PALLD: variants seen among roughly 807,000 people sequenced by gnomAD.
The protein encoded by PALLD is palladin.
PALLD carries 61 observed loss-of-function variants against 123.5 expected under a neutral mutation model. The observed-to-expected ratio is 0.49, with a 90% confidence interval of 0.40 to 0.61. The LOEUF (loss-of-function observed/expected upper bound fraction) is 0.61. Ranked by LOEUF, PALLD falls within the 20% of genes least tolerant of loss-of-function variation. The probability of loss-of-function intolerance (pLI) is 0.00; values close to 1 mark genes in which losing one functional copy is unlikely to be tolerated. For missense variants in PALLD, 1,273 were observed against 1,377.0 expected (o/e 0.92, Z 1.20); for synonymous variants, 465 against 496.4 (o/e 0.94, Z 0.84).
intron 10 of PALLD, among the ~76,000 whole-genome samples, chr4:168,721,647 G>A (rs1442778161): frequency 1.3e-5 from 2 of 152,086 alleles, no homozygotes; most frequent in African/African-American, 2.4e-5. Flanking sequence ...AAAATAAATA[G>A]GTACTTTTGA....
At chr4:168,804,887 G>A (rs1303752967) in intron 10 of PALLD, among the ~76,000 whole-genome samples, 1 of 152,080 alleles carries the variant, frequency 6.6e-6, no homozygotes, top group African/African-American at 2.4e-5. Context: ...GAGGCCGGGT[G>A]TGGTGGCTCA....
intron 2 of PALLD, among the ~76,000 whole-genome samples, chr4:168,588,527 G>C (rs1047198322): frequency 3.3e-5 from 5 of 151,884 alleles, no homozygotes; most frequent in African/African-American, 1.2e-4. Flanking sequence ...TCAGCCTCCT[G>C]AGTACCTGGG....
intron 10 of PALLD, among the ~76,000 whole-genome samples, chr4:168,790,372 G>A (rs901773697): frequency 1.3e-5 from 2 of 151,372 alleles, no homozygotes; most frequent in African/African-American, 4.9e-5. Context: ...ATATTGTCCA[G>A]GCTGGTTTCA....
intron 10 of PALLD, among the ~76,000 whole-genome samples, chr4:168,765,706 C>A (rs1040919067): frequency 1.3e-5 from 2 of 152,176 alleles, no homozygotes; most frequent in Non-Finnish European, 1.5e-5. Flanking sequence ...ATGAATTTGT[C>A]ATCTGCTGCT....
chr4:168,731,329 G>A (rs2150308619), intron 10 of PALLD, among the ~76,000 whole-genome samples: 1 of 152,286 alleles, frequency 6.6e-6, no homozygotes, highest in East Asian at 1.9e-4. Flanking sequence ...TTCACAGCTT[G>A]TTTTTGAAGA....
At chr4:168,592,673 G>A (rs1771554189) in intron 2 of PALLD, among the ~76,000 whole-genome samples, 1 of 151,726 alleles carries the variant, frequency 6.6e-6, no homozygotes, top group African/African-American at 2.4e-5. Context: ...CTCTTCTTCT[G>A]TTATGGTTAT....
intron 2 of PALLD, among the ~76,000 whole-genome samples, chr4:168,650,624 T>C (rs1777945160): frequency 6.6e-6 from 1 of 152,218 alleles, no homozygotes; most frequent in Non-Finnish European, 1.5e-5. Context: ...TGTATATGTA[T>C]CCTAAATTTT....
intron 10 of PALLD, among the ~76,000 whole-genome samples, chr4:168,819,811 T>C (rs1742465344): frequency 6.6e-6 from 1 of 152,244 alleles, no homozygotes; most frequent in South Asian, 2.1e-4. Flanking sequence ...TGATGGCTTA[T>C]AATAACTATT....
intron 19 of PALLD, among the ~76,000 whole-genome samples, 177 bp from the exon 20 acceptor site, chr4:168,924,768 G>A (rs553514717): frequency 1.2e-4 from 18 of 152,300 alleles, no homozygotes; most frequent in African/African-American, 3.4e-4. Flanking sequence ...AACTCTTGAC[G>A]TCTGTTCTTT....
intron 17 of PALLD, among the ~76,000 whole-genome samples, chr4:168,918,587 A>C (rs1760755466): frequency 6.6e-6 from 1 of 152,178 alleles, no homozygotes; most frequent in African/African-American, 2.4e-5. Flanking sequence ...TCAGACAGGA[A>C]GAATAAGTTC....
rs201234473 is a variant in PALLD at position 168,816,411 on chromosome 4, A to AT, written c.1965-74510dup. ...TGTGTATATATATATATATATATAT[A>AT]TATTTTTTTTAAGTATTAGATTGGA... On this transcript the variant is annotated intron_variant, in intron 10 of 21. Coordinates refer to ENST00000505667, the MANE Select transcript of PALLD (RefSeq NM_001166108.2). 3.8e-3 allele frequency among the ~76,000 whole-genome samples: 431 copies of AT among 113,682 alleles called. 2 individuals carry two copies. Among genetic ancestry groups the AT allele is most frequent in the African/African-American group, 0.016 (359 of 22,060 alleles). The allele number at this position is 113,682 out of a possible 152,430, so 74.6% of individuals were successfully genotyped here. A position where few individuals can be genotyped will look rare whatever the true frequency, so the allele number is the denominator to read the frequency against.
chr4:168,707,489 G>T (rs1379821881), intron 8 of PALLD, among the ~76,000 whole-genome samples: 1 of 152,148 alleles, frequency 6.6e-6, no homozygotes, highest in African/African-American at 2.4e-5. Flanking sequence ...TCCTCCTACA[G>T]GTTAGCACAG....
intron 15 of PALLD, 115 bp downstream of exon 15, chr4:168,904,021 TA>T: frequency 9.3e-7 from 1 of 1,076,558 alleles, no homozygotes; most frequent in East Asian, 2.4e-5. Flanking sequence ...TTTATGAAAC[TA>T]TTTTTCCAAA....
In PALLD at chr4:168,711,937, C is replaced by T. The variant is rs757399307; in HGVS notation, c.1964+14C>T. Reference sequence around the variant, plus strand: ...CAAACCAAAACTGTGAGTATTTCTGCATGGTTTTATAATAATTTCCATACC... The same window carrying T: ...CAAACCAAAACTGTGAGTATTTCTGTATGGTTTTATAATAATTTCCATACC... On this transcript the variant is annotated intron_variant, in intron 10 of 21. Transcript: ENST00000505667. 1 of 1,600,090 alleles carries T rather than the reference C, an allele frequency of 6.2e-7. No homozygotes were observed. Among genetic ancestry groups the T allele is most frequent in the South Asian group, 1.1e-5 (1 of 90,740 alleles).
chr4:168,792,039 T>C (rs1266821236), intron 10 of PALLD, among the ~76,000 whole-genome samples: 2 of 152,178 alleles, frequency 1.3e-5, no homozygotes, highest in African/African-American at 4.8e-5. Context: ...TTCAAAAATT[T>C]GATGAAAATG....
chr4:168,887,392 C>G (rs1753521649), intron 10 of PALLD, among the ~76,000 whole-genome samples: 1 of 152,168 alleles, frequency 6.6e-6, no homozygotes, highest in Non-Finnish European at 1.5e-5. Context: ...TTTTAAAAAC[C>G]AGTTCTCCGC....
chr4:168,785,846 G>GATAGATATATATATATATATATATATAT (rs1554082460), intron 10 of PALLD, among the ~76,000 whole-genome samples: 1 of 80,898 alleles, frequency 1.2e-5, no homozygotes. Context: ...AAACTGTAGA[G>GATAGATATATATATATATATATATATAT]ATATATATAT....
rs140950791 is a variant in PALLD, at chr4:168,645,984, G to A, written c.909-22206G>A. On this transcript the variant is annotated intron_variant, in intron 2 of 21. Coordinates refer to ENST00000505667, the MANE Select transcript of PALLD (RefSeq NM_001166108.2). Reference sequence around the variant, plus strand: ...TAAATACAAGGAATTATTAAAAACCGGGAGACGACCTCACAGGGATGCTGA... The same window carrying A: ...TAAATACAAGGAATTATTAAAAACCAGGAGACGACCTCACAGGGATGCTGA... Among the ~76,000 whole-genome samples the A allele has an allele frequency of 3.3e-3, 495 of 152,266 alleles. 2 individuals are homozygous for A. Among genetic ancestry groups the A allele is most frequent in the African/African-American group, 0.011 (461 of 41,544 alleles).
rs78542922 is a variant in PALLD at position 168,769,189 on chromosome 4, A to G, written c.1964+57266A>G. ...AAGAACATTCATTGTATCCCAGTCA[A>G]ATATTAAAAATAAGCTGTTCTCCTG... On this transcript the variant is annotated intron_variant, in intron 10 of 21. Transcript: ENST00000505667. Among the ~76,000 whole-genome samples, 1,339 of 152,316 alleles carry G rather than the reference A, an allele frequency of 8.8e-3. 72 individuals carry two copies. In the East Asian group the frequency reaches 0.16, roughly 19 times the overall value.
Sources: gnomAD v4.1 joint callset for allele counts (sites outside exome capture counted in the v4.1 genomes callset) on GRCh38, gnomAD v4.1.1 for gene constraint, MANE v1.5 for transcripts, NCBI Gene and HGNC (gene_info 2026-07-23, HGNC 2026-07-21) for gene names.